Variants in PEG3 observed in about 807,000 individuals in gnomAD.
The protein encoded by PEG3 is paternally expressed 3, also known as paternally-expressed gene 3 protein.
In PEG3, 23 loss-of-function variants were observed where a neutral mutation model predicts 35.5. That is an observed-to-expected ratio of 0.65 (90% CI 0.47 to 0.92). PEG3 has a LOEUF of 0.92. Among genes scored for constraint, PEG3 ranks in the 40% least tolerant of loss-of-function variants. PEG3 has a pLI of 0.00. For missense variants in PEG3, 1,960 were observed against 1,985.3 expected (o/e 0.99, Z 0.24); for synonymous variants, 707 against 697.0 (o/e 1.01, Z -0.23).
chr19:56,822,296 G>A (rs550093607), intron 6 of PEG3, among the ~76,000 whole-genome samples: 14 of 152,306 alleles, frequency 9.2e-5, no homozygotes, highest in African/African-American at 3.4e-4. Flanking sequence ...ACAATACACT[G>A]GTGTGATGAT....
rs146466276 is a variant in PEG3, at chr19:56,817,265, G to A, written c.1177C>T (p.Arg393Cys). ...SRKRVLERKR[R>C]YHFDTDGKGS... is the part of the protein sequence containing the mutation. ...TTCCCATCTGTGTCAAAATGATAGC[G>A]CCTCTTTCTTTCAAGAACTCTCTTT... is the stretch of plus-strand genomic sequence containing the variant. The change falls in exon 10 of 10, where the codon CGC (arginine) becomes TGC (cysteine). Residue 393 changes from arginine to cysteine, a missense_variant. Around this residue, in one of 5 missense-constraint regions of PEG3, gnomAD observed 613 missense variants for 577.1 expected, o/e 1.06. Coordinates refer to ENST00000326441, the MANE Select transcript of PEG3 (RefSeq NM_006210.3). 21 of 1,613,880 alleles carry A rather than the reference G, an allele frequency of 1.3e-5. No individual in the cohort carries two copies. The highest frequency in any genetic ancestry group is 3.3e-5 in the Admixed American group (2 of 59,998).
At position 56,812,853 on chromosome 19, in the gene PEG3, T is replaced by C; in HGVS notation, c.*822A>G. On this transcript the variant is annotated 3_prime_UTR_variant, in exon 10 of 10. Coordinates refer to ENST00000326441, the MANE Select transcript of PEG3 (RefSeq NM_006210.3). ...AAAAACCCAGAACACAAATGTGTAA[T>C]ATTTTTGCATGAGAACCACTTCAAC... is the stretch of plus-strand genomic sequence containing the variant. 2 of 981,412 alleles carry C rather than the reference T, an allele frequency of 2.0e-6. No homozygotes were observed. Among genetic ancestry groups the C allele is most frequent in the South Asian group, 4.7e-5 (1 of 21,202 alleles). 60.8% of individuals were successfully genotyped at this position (981,412 alleles called of 1,614,324 possible).
rs746051175 is a variant in PEG3 at position 56,814,070 on chromosome 19, T to C, written c.4372A>G (p.Ile1458Val). The C allele has an allele frequency of 1.2e-6, 2 of 1,614,024 alleles. No individual in the cohort carries two copies. Among genetic ancestry groups the C allele is most frequent in the African/African-American group, 2.7e-5 (2 of 74,916 alleles). ...GDADEPDGAG[I>V]EDPEERAEEP... ...TCAGCTCTTTCTTCTGGGTCTTCAA[T>C]ACCTGCACCATCTGGCTCATCAGCA... The change falls in exon 10 of 10, where the codon ATT becomes GTT. Residue 1458 changes from isoleucine (I) to valine (V), a missense_variant. Ile to Val is a conservative substitution (Grantham distance 29). This residue lies in a region of PEG3 where 416 missense variants were observed against 416.7 expected (regional missense o/e 1.00). Transcript: ENST00000326441. This position sits in a 1 kb window ranked among gnomAD's most constrained non-coding sequence, Gnocchi z 5.8.
chr19:56,822,423 G>A (rs1324033542), intron 6 of PEG3: 6 of 258,282 alleles, frequency 2.3e-5, no homozygotes, highest in African/African-American at 4.5e-5. Context: ...TTTCATTCTC[G>A]CCTTCTGCCT....
Position 56,817,362 on chromosome 19 carries a change from C to G in PEG3, c.1080G>C (p.Val360=), listed in dbSNP as rs761993957. The G allele has an allele frequency of 6.2e-7, 1 of 1,614,068 alleles. No individual in the cohort carries two copies. ...KDISLNKRES[V]IQQRVYEGNA... ...TCCCTTCATAAACCCGCTGCTGGAT[C>G]ACTGACTCCCTCTTGTTCAATGAAA... The change falls in exon 10 of 10, where the codon GTG becomes GTC. Residue 360 remains valine (V), a synonymous_variant. Transcript: ENST00000326441.
intron 7 of PEG3, among the ~76,000 whole-genome samples, chr19:56,820,970 C>T (rs1226601067): frequency 1.3e-5 from 2 of 152,212 alleles, no homozygotes; most frequent in African/African-American, 4.8e-5. Context: ...GTATAAGTGA[C>T]CCCTCTCCTC....
rs2059606398 is a variant in PEG3 at position 56,812,523 on chromosome 19, C to T, written c.*1152G>A. On this transcript the variant is annotated 3_prime_UTR_variant, in exon 10 of 10. Coordinates refer to ENST00000326441, the MANE Select transcript of PEG3 (RefSeq NM_006210.3). The stretch of plus-strand genomic sequence containing the variant: ...AGATCTAAGGATACTAGCTCCTGGG[C>T]ACCTAGGGTGCAAACTGACTTGTGG... 3 of 985,486 alleles carry T rather than the reference C, an allele frequency of 3.0e-6. No homozygotes were observed. Among genetic ancestry groups the T allele is most frequent in the Non-Finnish European group, 3.6e-6 (3 of 829,874 alleles). The allele number at this position is 985,486 out of a possible 1,614,324, so 61.0% of individuals were successfully genotyped here. A position where few individuals can be genotyped will look rare whatever the true frequency, so the allele number is the denominator to read the frequency against.
chr19:56,817,856 A>G (rs1388224774), intron 8 of PEG3, 21 bp from the exon 9 acceptor site: 1 of 1,601,644 alleles, frequency 6.2e-7, no homozygotes, highest in African/African-American at 1.3e-5. Context: ...CAAGGACAAT[A>G]TGATGCCTCA....
chr19:56,815,562 T>G lies in PEG3; in HGVS notation c.2880A>C (p.Gln960His). ...AGAGCATCCCTCGAGGGCGAAATGT[T>G]TGTTCACCAAAAGGCAGAGAGTGAA... ...SVIHSLPFGE[Q>H]TFRPRGMLYE... Residue 960 changes from glutamine (Q) to histidine (H), a missense_variant, in exon 10 of 10, where the codon CAA (glutamine) becomes CAC (histidine). Physicochemically the swap from Gln to His is conservative, Grantham distance 24. Around this residue, in one of 5 missense-constraint regions of PEG3, gnomAD observed 798 missense variants for 782.4 expected, o/e 1.02. Coordinates refer to ENST00000326441, the MANE Select transcript of PEG3 (RefSeq NM_006210.3). 6.2e-7 allele frequency: 1 copy of G among 1,614,080 alleles called. No individual in the cohort carries two copies. The highest frequency in any genetic ancestry group is 8.5e-7 in the Non-Finnish European group (1 of 1,179,942).
intron 7 of PEG3, 82 bp from the exon 8 acceptor site, chr19:56,818,784 T>C: frequency 6.7e-7 from 1 of 1,484,502 alleles, no homozygotes; most frequent in Non-Finnish European, 9.4e-7. Context: ...AACATGGGAG[T>C]TACATATATG....
intron 2 of PEG3, 64 bp downstream of exon 2, chr19:56,835,954 G>C: frequency 2.1e-6 from 1 of 479,842 alleles, no homozygotes; most frequent in South Asian, 1.5e-5. Context: ...AAGTGTCAGA[G>C]TAAGGAAGTG....
intron 2 of PEG3, among the ~76,000 whole-genome samples, chr19:56,830,883 T>G (rs1028614624): frequency 6.6e-6 from 1 of 151,858 alleles, no homozygotes; most frequent in Non-Finnish European, 1.5e-5. Flanking sequence ...GCTAAGATCA[T>G]GCCCCTGCAT....
At chr19:56,818,826 G>A in intron 7 of PEG3, 124 bp from the exon 8 acceptor site, 2 of 1,100,218 alleles carry the variant, frequency 1.8e-6, no homozygotes, top group Admixed American at 2.1e-5. Flanking sequence ...CGGTATTGGG[G>A]TTCTGAGTGA....
At chr19:56,830,204 A>T (rs1001342992) in intron 2 of PEG3, among the ~76,000 whole-genome samples, 1 of 152,230 alleles carries the variant, frequency 6.6e-6, no homozygotes, top group South Asian at 2.1e-4. Flanking sequence ...GGTGTTCAAT[A>T]AACATTATTT....
At chr19:56,834,737 G>A (rs1291383585) in intron 2 of PEG3, among the ~76,000 whole-genome samples, 4 of 152,070 alleles carry the variant, frequency 2.6e-5, no homozygotes, top group African/African-American at 9.7e-5. Context: ...CCCATCCCAA[G>A]GGCTCACCTG....
chr19:56,824,712 G>C lies in PEG3; in HGVS notation c.-57C>G. On this transcript the variant is annotated 5_prime_UTR_variant, in exon 4 of 10. Coordinates refer to ENST00000326441, the MANE Select transcript of PEG3 (RefSeq NM_006210.3). The stretch of plus-strand genomic sequence containing the variant: ...AAACATGAGTCAACAGGAAAGACGC[G>C]GCAGCCTGTGACCGTCAGTACTCAG... 1.3e-6 allele frequency: 2 copies of C among 1,500,850 alleles called. No individual in the cohort carries two copies. Among genetic ancestry groups the C allele is most frequent in the Non-Finnish European group, 1.8e-6 (2 of 1,104,198 alleles). 93.0% of individuals were successfully genotyped at this position (1,500,850 alleles called of 1,614,324 possible).
At chr19:56,822,961 C>T (rs753010899) in intron 5 of PEG3, 125 bp from the exon 6 acceptor site, 1 of 1,261,464 alleles carries the variant, frequency 7.9e-7, no homozygotes, top group East Asian at 2.5e-5. Context: ...GGATCCAAAA[C>T]AGAGAGCTCC....
At chr19:56,820,406 T>A (rs2060366232) in intron 7 of PEG3, among the ~76,000 whole-genome samples, 1 of 152,204 alleles carries the variant, frequency 6.6e-6, no homozygotes. Context: ...GGATGCCAAT[T>A]CTTCACACAT....
intron 2 of PEG3, among the ~76,000 whole-genome samples, chr19:56,831,436 A>G (rs961652681): frequency 4.6e-5 from 7 of 152,212 alleles, no homozygotes; most frequent in Non-Finnish European, 7.3e-5. Context: ...TCAAGCATGC[A>G]TTTCTAGAAT....
Sources: gnomAD v4.1 joint callset for allele counts (sites outside exome capture counted in the v4.1 genomes callset) on GRCh38, gnomAD v4.1.1 for gene constraint, gnomAD v4.1.1 regional missense constraint, Gnocchi (gnomAD v3.1) non-coding constraint, MANE v1.5 for transcripts, NCBI Gene and HGNC (gene_info 2026-07-23, HGNC 2026-07-21) for gene names.